Variants in ANKRD30B observed in about 807,000 individuals in gnomAD.
ANKRD30B encodes the protein ankyrin repeat domain-containing protein 30B.
ANKRD30B carries 144 observed loss-of-function variants against 202.2 expected under a neutral mutation model. The observed-to-expected ratio is 0.71, with a 90% CI of 0.62 to 0.82. ANKRD30B has a LOEUF of 0.82. ANKRD30B is among the 40% of genes least tolerant of loss of function. The probability of loss-of-function intolerance (pLI) is 0.00; values close to 1 mark genes in which losing one functional copy is unlikely to be tolerated. For missense variants in ANKRD30B, 1,487 were observed against 1,669.1 expected, an observed-to-expected ratio of 0.89 and a Z score of 1.90; for synonymous variants, 508 against 561.3, an observed-to-expected ratio of 0.91 and a Z score of 1.34.
At chr18:14,752,762 C>G in intron 2 of ANKRD30B, 77 bp from the exon 3 acceptor site, 2 of 1,539,462 alleles carry the variant, frequency 1.3e-6, no homozygotes, top group Non-Finnish European at 1.8e-6. Context: ...TGAAATACAA[C>G]TAGTTTGTGA....
chr18:14,810,629 AGTGT>A (rs376271746), intron 28 of ANKRD30B, among the ~76,000 whole-genome samples: 1 of 149,654 alleles, frequency 6.7e-6, no homozygotes, highest in African/African-American at 2.5e-5. Context: ...TAGGTGACTG[AGTGT>A]GTGTGTGTGT....
intron 6 of ANKRD30B, 26 bp downstream of exon 6, chr18:14,760,644 C>T (rs1441896374): frequency 2.4e-5 from 35 of 1,457,196 alleles, no homozygotes; most frequent in Non-Finnish European, 3.1e-5. Flanking sequence ...GCAAACTACT[C>T]TTGATGGTGC....
At chr18:14,900,537 A>G in the ANKRD30B span, among the ~76,000 whole-genome samples, 5 of 152,128 alleles carry the variant, frequency 3.3e-5, no homozygotes, top group Non-Finnish European at 7.4e-5. Flanking sequence ...CTTCAATCAT[A>G]TGTAGGCATT....
chr18:14,902,816 T>C, the ANKRD30B span, among the ~76,000 whole-genome samples: 1 of 152,192 alleles, frequency 6.6e-6, no homozygotes, highest in African/African-American at 2.4e-5. Flanking sequence ...CATATTTTTC[T>C]CCTATGTTTT....
At chr18:14,793,098 T>G (rs71364864) in intron 16 of ANKRD30B, among the ~76,000 whole-genome samples, 80 of 152,302 alleles carry the variant, frequency 5.3e-4, no homozygotes, top group Middle Eastern at 3.4e-3. Flanking sequence ...CTCCATGAGT[T>G]GATCAAGAAA....
At chr18:14,754,565 C>A (rs1470251003) in intron 3 of ANKRD30B, among the ~76,000 whole-genome samples, 1 of 152,068 alleles carries the variant, frequency 6.6e-6, no homozygotes, top group Non-Finnish European at 1.5e-5. Flanking sequence ...AAAGTATTTA[C>A]TACTATGTCT....
chr18:14,928,950 C>A, the ANKRD30B span, among the ~76,000 whole-genome samples: 8 of 152,290 alleles, frequency 5.3e-5, no homozygotes, highest in Non-Finnish European at 7.3e-5. Flanking sequence ...AGCTGCCATT[C>A]CAGTCTTTCT....
rs541184572 is a variant in ANKRD30B, at chr18:14,810,419, G to A, written c.2488+239G>A. ...GGTTCTTCTTTAATATCCCGATAGT[G>A]TAAAGTTTCCAATTTGCAATTTCTG... On this transcript the variant is annotated intron_variant, in intron 28 of 43. Coordinates refer to ENST00000690538, the MANE Select transcript of ANKRD30B (RefSeq NM_001367607.2). Among the ~76,000 whole-genome samples, 7 of 151,316 alleles carry A rather than the reference G, an allele frequency of 4.6e-5. No individual in the cohort carries two copies. In the South Asian group the frequency reaches 6.3e-4, roughly 14 times the overall value.
intron 39 of ANKRD30B, among the ~76,000 whole-genome samples, chr18:14,846,263 C>T (rs1971635127): frequency 6.6e-6 from 1 of 151,926 alleles, no homozygotes; most frequent in Admixed American, 6.6e-5. Flanking sequence ...ATTTTTGGAA[C>T]CAACCCAGGG....
intron 32 of ANKRD30B, among the ~76,000 whole-genome samples, chr18:14,824,160 C>T (rs1012684677): frequency 1.0e-4 from 15 of 150,574 alleles, no homozygotes; most frequent in African/African-American, 3.2e-4. Context: ...CAGTTAGCTC[C>T]GCTTTGATTT....
At chr18:14,779,587 G>T (rs1967592004) in intron 10 of ANKRD30B, among the ~76,000 whole-genome samples, 1 of 151,976 alleles carries the variant, frequency 6.6e-6, no homozygotes, top group African/African-American at 2.4e-5. Context: ...ATCAAACTAA[G>T]TAATACTAAA....
chr18:14,752,275 G>C (rs1392326234), intron 1 of ANKRD30B, among the ~76,000 whole-genome samples: 1 of 152,110 alleles, frequency 6.6e-6, no homozygotes, highest in African/African-American at 2.4e-5. Flanking sequence ...TGAGAAAAGC[G>C]AGGTGCAGAA....
the ANKRD30B span, among the ~76,000 whole-genome samples, chr18:14,891,712 A>T: frequency 6.6e-6 from 1 of 152,188 alleles, no homozygotes; most frequent in African/African-American, 2.4e-5. Context: ...ATGTTGATGC[A>T]TTCATGTAAT....
At chr18:14,752,121 G>T in intron 1 of ANKRD30B, among the ~76,000 whole-genome samples, 1 of 152,240 alleles carries the variant, frequency 6.6e-6, no homozygotes, top group Middle Eastern at 3.4e-3. Flanking sequence ...TCTTTATTAA[G>T]TAGTAGTAAT....
At chr18:14,861,553 T>A in the ANKRD30B span, among the ~76,000 whole-genome samples, 8 of 150,714 alleles carry the variant, frequency 5.3e-5, no homozygotes, top group Non-Finnish European at 1.2e-4. Flanking sequence ...GATGGAGTGT[T>A]CAATTCAACG....
chr18:14,787,044 A>C lies in ANKRD30B; in HGVS notation c.1678A>C (p.Met560Leu), dbSNP rs1968129610. The C allele has an allele frequency of 8.1e-6, 13 of 1,609,276 alleles. No homozygotes were observed. Among genetic ancestry groups the C allele is most frequent in the Non-Finnish European group, 9.3e-6 (11 of 1,177,008 alleles). Residue 560 changes from methionine to leucine, a missense_variant, in exon 15 of 44, where the codon ATG becomes CTG. By Grantham distance (15) the Met-to-Leu change is conservative. This residue lies in a region of ANKRD30B where 889 missense variants were observed against 841.4 expected (regional missense o/e 1.06). Coordinates refer to ENST00000690538, the MANE Select transcript of ANKRD30B (RefSeq NM_001367607.2). ...KNEQTLRAAQ[M>L]FPSESKQKDD... ...CTGTGATTAACCTTTTATAGCTCAG[A>C]TGTTCCCATCAGAATCCAAACAAAA...
chr18:14,875,415 C>T, the ANKRD30B span, among the ~76,000 whole-genome samples: 16 of 152,282 alleles, frequency 1.1e-4, no homozygotes, highest in South Asian at 3.1e-3. Context: ...TGGACAGTGC[C>T]AGGCCATGTT....
the ANKRD30B span, among the ~76,000 whole-genome samples, chr18:14,879,729 A>G: frequency 7.7e-6 from 1 of 129,692 alleles, no homozygotes; most frequent in Non-Finnish European, 1.6e-5. Context: ...GTTAGGGTTA[A>G]GGGTCCAGGG....
chr18:14,877,068 C>G, the ANKRD30B span, among the ~76,000 whole-genome samples: 2 of 152,208 alleles, frequency 1.3e-5, no homozygotes, highest in Non-Finnish European at 2.9e-5. Flanking sequence ...GCAGAGCCAG[C>G]AGTCTCTTCT....
Sources: allele counts gnomAD v4.1 joint callset (sites outside exome capture counted in the v4.1 genomes callset), GRCh38; gene constraint gnomAD v4.1.1; regional missense constraint gnomAD v4.1.1; transcripts MANE v1.5; gene names NCBI Gene and HGNC (gene_info 2026-07-23, HGNC 2026-07-21).